Variants in CNDP2 observed in about 807,000 individuals in gnomAD.
CNDP2 encodes the protein cytosolic non-specific dipeptidase.
A neutral mutation model predicts 55.0 loss-of-function variants in CNDP2; 38 were observed. The ratio of observed to expected loss-of-function variants is 0.69; its 90% CI spans 0.53 to 0.90. CNDP2 has a LOEUF of 0.90. CNDP2 is among the 40% of genes least tolerant of loss of function. The pLI, the probability that CNDP2 is intolerant of heterozygous loss-of-function variation, is 0.00. For synonymous variants in CNDP2, 241 were observed against 260.2 expected, an observed-to-expected ratio of 0.93 and a Z score of 0.71; for missense variants, 607 against 621.7, an observed-to-expected ratio of 0.98 and a Z score of 0.25.
Position 74,519,979 on chromosome 18 carries a change from G to A in CNDP2, c.1359-20G>A. 6.2e-7 allele frequency: 1 copy of A among 1,608,710 alleles called. No individual in the cohort carries two copies. On this transcript the variant is annotated intron_variant, in intron 11 of 11. Coordinates refer to ENST00000324262, the MANE Select transcript of CNDP2 (RefSeq NM_018235.3). ...GGCTCACGACACCAGCCAACACAAT[G>A]ATGTGTTCCTCTCTACCAGGTATAA...
chr18:74,515,929 C>T (rs1328652954), intron 8 of CNDP2, among the ~76,000 whole-genome samples: 5 of 152,222 alleles, frequency 3.3e-5, no homozygotes, highest in African/African-American at 1.2e-4. Context: ...TCTACAGGTG[C>T]TCAGTGGCCA....
chr18:74,511,175 C>T (rs8088885), intron 6 of CNDP2, 162 bp downstream of exon 6: 542,822 of 617,030 alleles, frequency 0.88, 239,271 homozygotes, highest in East Asian at 0.99. Flanking sequence ...CACCGTCCTA[C>T]ACCAGGGTGG....
At position 74,520,027 on chromosome 18, in the gene CNDP2, C is replaced by T. The variant is rs1979961227; in HGVS notation, c.1387C>T (p.Leu463=). The T allele has an allele frequency of 4.3e-6, 7 of 1,613,994 alleles. No homozygotes were observed. The highest frequency in any genetic ancestry group is 1.6e-4 in the Middle Eastern group (1 of 6,082). ...RYNYIEGTKM[L]AAYLYEVSQL... ...TAACTACATAGAGGGAACCAAGATG[C>T]TGGCCGCGTACCTGTATGAGGTCTC... Residue 463 remains leucine, a synonymous_variant, in exon 12 of 12, where the codon CTG becomes TTG. Transcript: ENST00000324262.
rs143364752 is a variant in CNDP2 at position 74,498,960 on chromosome 18, C to G, written c.-92-922C>G. Among the ~76,000 whole-genome samples, 834 of 152,308 alleles carry G rather than the reference C, an allele frequency of 5.5e-3. 8 individuals carry two copies. The highest frequency in any genetic ancestry group is 0.018 in the African/African-American group (767 of 41,554). ...AGCAACAGCCACTTTTGAACAGTTG[C>G]CACGCTTGGTGTCGTGGTGGATAAA... On this transcript the variant is annotated intron_variant, in intron 1 of 11. Transcript: ENST00000324262.
At chr18:74,502,199 G>A (rs1978743973) in intron 3 of CNDP2, among the ~76,000 whole-genome samples, 1 of 152,130 alleles carries the variant, frequency 6.6e-6, no homozygotes, top group Admixed American at 6.5e-5. Flanking sequence ...TATTTTGTGT[G>A]GGGGTCTGTT....
intron 6 of CNDP2, chr18:74,511,325 A>T (rs549859438): frequency 2.7e-5 from 9 of 332,270 alleles, no homozygotes; most frequent in Non-Finnish European, 4.9e-5. Context: ...CATACAAAGC[A>T]TTTTAGAAAC....
intron 4 of CNDP2, among the ~76,000 whole-genome samples, 200 bp downstream of exon 4, chr18:74,506,211 G>T (rs1449076958): frequency 1.3e-5 from 2 of 152,148 alleles, no homozygotes; most frequent in African/African-American, 4.8e-5. Flanking sequence ...TCAATTCACT[G>T]CAACCTCCGC....
intron 3 of CNDP2, among the ~76,000 whole-genome samples, chr18:74,503,964 G>A (rs1016110773): frequency 2.0e-5 from 3 of 149,358 alleles, no homozygotes; most frequent in Admixed American, 2.0e-4. Context: ...CACTGCACAC[G>A]CAGCCACACT....
At position 74,520,717 on chromosome 18, in the gene CNDP2, C is replaced by G. The variant is rs753260243; in HGVS notation, c.*649C>G. 6.6e-6 allele frequency: 1 copy of G among 152,590 alleles called. No individual in the cohort carries two copies. Among genetic ancestry groups the G allele is most frequent in the Non-Finnish European group, 1.5e-5 (1 of 68,382 alleles). The allele number at this position is 152,590 out of a possible 1,614,324, so 9.5% of individuals were successfully genotyped here. A position where few individuals can be genotyped will look rare whatever the true frequency, so the allele number is the denominator to read the frequency against. On this transcript the variant is annotated 3_prime_UTR_variant, in exon 12 of 12. Coordinates refer to ENST00000324262, the MANE Select transcript of CNDP2 (RefSeq NM_018235.3). Reference sequence around the variant, plus strand: ...GTGCATGCCTGTAGTTCCAGCTACTCAGGACACTGACGTAGGAGGGTTGCT... The same window carrying G: ...GTGCATGCCTGTAGTTCCAGCTACTGAGGACACTGACGTAGGAGGGTTGCT...
At position 74,518,123 on chromosome 18, in the gene CNDP2, T is replaced by C. The variant is rs112316318; in HGVS notation, c.1069-376T>C. On this transcript the variant is annotated intron_variant, in intron 9 of 11. Transcript: ENST00000324262. Reference sequence around the variant, plus strand: ...TGAAAAGACAAAAATTAGCCGGGTGTGGTGGCGGGCGCCTGTAGTCCCAGC... The same window carrying C: ...TGAAAAGACAAAAATTAGCCGGGTGCGGTGGCGGGCGCCTGTAGTCCCAGC... 9.6e-3 allele frequency: 1,523 copies of C among 159,052 alleles called. 16 individuals are homozygous for C. The highest frequency in any genetic ancestry group is 0.011 in the Non-Finnish European group (820 of 71,792). The allele number at this position is 159,052 out of a possible 1,614,324, so 9.9% of individuals were successfully genotyped here.
chr18:74,513,136 G>A (rs1437510863), intron 7 of CNDP2, among the ~76,000 whole-genome samples: 2 of 152,224 alleles, frequency 1.3e-5, no homozygotes, highest in East Asian at 1.9e-4. Flanking sequence ...TGTGGAATGC[G>A]CATTAAAAAG....
At position 74,520,175 on chromosome 18, in the gene CNDP2, G is replaced by A. The variant is rs867116209; in HGVS notation, c.*107G>A. The A allele has an allele frequency of 4.9e-6, 5 of 1,029,322 alleles. No homozygotes were observed. Among genetic ancestry groups the A allele is most frequent in the African/African-American group, 1.6e-5 (1 of 63,166 alleles). The allele number at this position is 1,029,322 out of a possible 1,614,324, so 63.8% of individuals were successfully genotyped here. A position where few individuals can be genotyped will look rare whatever the true frequency, so the allele number is the denominator to read the frequency against. On this transcript the variant is annotated 3_prime_UTR_variant, in exon 12 of 12. Coordinates refer to ENST00000324262, the MANE Select transcript of CNDP2 (RefSeq NM_018235.3). ...AGGTTCCCTCTTTCCTTTCCCTCTT[G>A]TCAGGTCATCCATGACTTTAGAGAA...
rs1470272717 is a variant in CNDP2 at position 74,520,864 on chromosome 18, CAG to C, written c.*801_*802del. 2 of 152,216 alleles carry C rather than the reference CAG, an allele frequency of 1.3e-5. No individual in the cohort carries two copies. Among genetic ancestry groups the C allele is most frequent in the Admixed American group, 1.3e-4 (2 of 15,272 alleles). The allele number at this position is 152,216 out of a possible 1,614,324, so 9.4% of individuals were successfully genotyped here. A position where few individuals can be genotyped will look rare whatever the true frequency, so the allele number is the denominator to read the frequency against. On this transcript the variant is annotated 3_prime_UTR_variant, in exon 12 of 12. Coordinates refer to ENST00000324262, the MANE Select transcript of CNDP2 (RefSeq NM_018235.3). Reference sequence around the variant, plus strand: ...CTGGTTGTCATTGAATTGGGATAAACAGAGAGCTTGATGCTTTCTGCCTTCTG... The same window carrying C: ...CTGGTTGTCATTGAATTGGGATAAACAGAGCTTGATGCTTTCTGCCTTCTG...
chr18:74,503,237 T>C (rs1978813617), intron 3 of CNDP2, among the ~76,000 whole-genome samples: 1 of 152,236 alleles, frequency 6.6e-6, no homozygotes, highest in Non-Finnish European at 1.5e-5. Flanking sequence ...TATACTATTT[T>C]GAATTACATA....
rs1980088425 is a variant in CNDP2 at position 74,522,158 on chromosome 18, T to C, written c.*2090T>C. On this transcript the variant is annotated 3_prime_UTR_variant, in exon 12 of 12. Transcript: ENST00000324262. ...GTGAAGTGTATCTGGGGACCCTCTA[T>C]GGCTTTTGCATCTTTTCTCTAAGTC... 6.6e-6 allele frequency: 1 copy of C among 152,230 alleles called. No individual in the cohort carries two copies. Among genetic ancestry groups the C allele is most frequent in the Admixed American group, 6.5e-5 (1 of 15,284 alleles). 9.4% of individuals were successfully genotyped at this position (152,230 alleles called of 1,614,324 possible).
rs747958571 is a variant in CNDP2, at chr18:74,510,981, G to A, written c.625G>A (p.Gly209Ser). The change falls in exon 6 of 12, where the codon GGC becomes AGC. Residue 209 changes from glycine to serine, a missense_variant. Coordinates refer to ENST00000324262, the MANE Select transcript of CNDP2 (RefSeq NM_018235.3). ...LGKKKPCITYGLRGICYFFIE... is the reference protein window; with the variant it reads ...LGKKKPCITYSLRGICYFFIE... ...AAAGAAGAAGCCCTGCATCACCTAC[G>A]GCCTCAGGGGCATTTGCTACTTTTT... The A allele has an allele frequency of 2.5e-6, 4 of 1,614,144 alleles. No homozygotes were observed. Among genetic ancestry groups the A allele is most frequent in the Non-Finnish European group, 2.5e-6 (3 of 1,180,026 alleles).
intron 4 of CNDP2, 175 bp from the exon 5 acceptor site, chr18:74,508,665 A>G: frequency 1.7e-6 from 1 of 587,260 alleles, no homozygotes; most frequent in East Asian, 2.8e-5. Flanking sequence ...TGATGATGCC[A>G]AATTCTCTGA....
chr18:74,518,665 T>C (rs747790839), intron 10 of CNDP2, 25 bp downstream of exon 10: 12 of 1,613,556 alleles, frequency 7.4e-6, no homozygotes, highest in African/African-American at 1.3e-5. Context: ...TTGTGGATGA[T>C]GCCGCGCAGG....
At chr18:74,505,421 A>G (rs1978953859) in intron 3 of CNDP2, among the ~76,000 whole-genome samples, 1 of 152,082 alleles carries the variant, frequency 6.6e-6, no homozygotes, top group African/African-American at 2.4e-5. Flanking sequence ...GGCAACAGTG[A>G]AACCCTGTCT....
Sources: gnomAD v4.1 joint callset for allele counts (sites outside exome capture counted in the v4.1 genomes callset) on GRCh38, gnomAD v4.1.1 for gene constraint, MANE v1.5 for transcripts, NCBI Gene and HGNC (gene_info 2026-07-23, HGNC 2026-07-21) for gene names.